ARID2: variants seen among roughly 807,000 people sequenced by gnomAD.
ARID2 encodes the protein AT-rich interaction domain 2.
A neutral mutation model predicts 184.6 loss-of-function variants in ARID2; 32 were observed. The ratio of observed to expected loss-of-function variants is 0.17; its 90% CI spans 0.13 to 0.23. The LOEUF (loss-of-function observed/expected upper bound fraction) is 0.23, where lower values mean the gene tolerates loss of function less well. ARID2 is among the 10% of genes least tolerant of loss of function. The pLI, the probability that ARID2 is intolerant of heterozygous loss-of-function variation, is 1.00. For synonymous variants in ARID2, 836 were observed against 772.6 expected, an observed-to-expected ratio of 1.08 and a Z score of -1.36; for missense variants, 1,696 against 2,197.6, an observed-to-expected ratio of 0.77 and a Z score of 4.56.
chr12:45,763,326 C>G (rs1005912916), intron 3 of ARID2, among the ~76,000 whole-genome samples: 1 of 151,898 alleles, frequency 6.6e-6, no homozygotes, highest in Non-Finnish European at 1.5e-5. Context: ...AAAAATTAGC[C>G]GGGCGTGGAG....
At chr12:45,811,327 G>T (rs1444612666) in intron 3 of ARID2, 91 bp from the exon 4 acceptor site, 1 of 1,327,894 alleles carries the variant, frequency 7.5e-7, no homozygotes, top group Non-Finnish European at 1.0e-6. Flanking sequence ...TTAGATTATT[G>T]TTTAGAAAAG....
At chr12:45,739,215 G>A (rs987164646) in intron 3 of ARID2, among the ~76,000 whole-genome samples, 1 of 152,006 alleles carries the variant, frequency 6.6e-6, no homozygotes, top group South Asian at 2.1e-4. Context: ...CTGACCTCAG[G>A]TGATTCACCT....
At chr12:45,854,229 T>A (rs1235544747) in intron 15 of ARID2, among the ~76,000 whole-genome samples, 1 of 152,212 alleles carries the variant, frequency 6.6e-6, no homozygotes, top group Non-Finnish European at 1.5e-5. Flanking sequence ...CCAATGATTC[T>A]ACATTATGGC....
intron 3 of ARID2, among the ~76,000 whole-genome samples, chr12:45,783,665 A>G (rs1327708427): frequency 6.6e-6 from 1 of 152,236 alleles, no homozygotes; most frequent in African/African-American, 2.4e-5. Context: ...CTCCTTTGAG[A>G]ATCTAATGCC....
chr12:45,903,653 A>G (rs1271138486), intron 20 of ARID2, among the ~76,000 whole-genome samples: 3 of 152,172 alleles, frequency 2.0e-5, no homozygotes, highest in African/African-American at 7.2e-5. Flanking sequence ...TTGCTTTACT[A>G]TAGTAAAAGT....
rs777825899 is a variant in ARID2, at chr12:45,730,132, G to A, written c.181G>A (p.Ala61Thr). 6.2e-7 allele frequency: 1 copy of A among 1,612,668 alleles called. No individual in the cohort carries two copies. Among genetic ancestry groups the A allele is most frequent in the Non-Finnish European group, 8.5e-7 (1 of 1,179,218 alleles). Reference protein sequence around the residue: ...YTRVTTLGGFAKVSEKNQWGE... With the variant: ...YTRVTTLGGFTKVSEKNQWGE... ...CAGAGTCACTACTTTAGGCGGATTC[G>A]CGAAGGTGAGTGGAAGTTTTAATTT... The change falls in exon 2 of 21, where the codon GCG becomes ACG. Residue 61 changes from alanine to threonine, a missense_variant. By Grantham distance (58) the Ala-to-Thr change is moderately conservative. This residue lies in a region of ARID2 where 148 missense variants were observed against 285.4 expected (regional missense o/e 0.52). Coordinates refer to ENST00000334344, the MANE Select transcript of ARID2 (RefSeq NM_152641.4).
At chr12:45,858,058 C>A (rs1943681818) in intron 15 of ARID2, among the ~76,000 whole-genome samples, 1 of 152,180 alleles carries the variant, frequency 6.6e-6, no homozygotes, top group African/African-American at 2.4e-5. Flanking sequence ...CCGTGCCTGG[C>A]CTAGCTAGAG....
At chr12:45,878,707 G>A (rs953292196) in intron 16 of ARID2, among the ~76,000 whole-genome samples, 8 of 152,142 alleles carry the variant, frequency 5.3e-5, no homozygotes, top group Admixed American at 3.9e-4. Flanking sequence ...GTCAAAATTT[G>A]TGTGATATCT....
intron 20 of ARID2, chr12:45,893,966 T>C (rs776421498): frequency 1.7e-4 from 49 of 290,224 alleles, no homozygotes; most frequent in Non-Finnish European, 2.8e-4. Context: ...TTACTGACCA[T>C]ATAATTTAGA....
chr12:45,838,385 C>G (rs1253745701), intron 10 of ARID2, among the ~76,000 whole-genome samples: 1 of 152,140 alleles, frequency 6.6e-6, no homozygotes, highest in Non-Finnish European at 1.5e-5. Flanking sequence ...GAAAACTGTT[C>G]TTATTGAGAA....
At chr12:45,742,376 A>G (rs762804320) in intron 3 of ARID2, among the ~76,000 whole-genome samples, 2 of 152,350 alleles carry the variant, frequency 1.3e-5, no homozygotes, top group East Asian at 1.9e-4. Context: ...AGCTTAGAGC[A>G]GCGGGCTATG....
intron 14 of ARID2, 127 bp from the exon 15 acceptor site, chr12:45,849,909 A>G: frequency 1.4e-6 from 2 of 1,420,806 alleles, no homozygotes; most frequent in Admixed American, 2.5e-5. Context: ...GTCTATTACC[A>G]TATTCATATG....
intron 15 of ARID2, among the ~76,000 whole-genome samples, chr12:45,854,558 C>A (rs1943610847): frequency 6.6e-6 from 1 of 152,100 alleles, no homozygotes; most frequent in Non-Finnish European, 1.5e-5. Flanking sequence ...AGTAGATATT[C>A]CATAGTTAGG....
intron 3 of ARID2, among the ~76,000 whole-genome samples, chr12:45,768,574 G>T (rs965497395): frequency 6.6e-6 from 1 of 152,176 alleles, no homozygotes; most frequent in Non-Finnish European, 1.5e-5. Context: ...TTCATTTGCT[G>T]GGGAGAAGTT....
chr12:45,900,656 T>C (rs2136469440), intron 20 of ARID2, among the ~76,000 whole-genome samples: 1 of 152,372 alleles, frequency 6.6e-6, no homozygotes, highest in African/African-American at 2.4e-5. Flanking sequence ...GAAACCCATT[T>C]ATTTTCTTTT....
intron 16 of ARID2, among the ~76,000 whole-genome samples, chr12:45,885,719 A>G (rs755933998): frequency 2.6e-5 from 4 of 152,222 alleles, no homozygotes; most frequent in Non-Finnish European, 5.9e-5. Context: ...GGAGAAGCAA[A>G]CATGTCCTTC....
intron 16 of ARID2, among the ~76,000 whole-genome samples, chr12:45,871,717 A>T (rs569235089): frequency 7.8e-4 from 119 of 152,236 alleles, no homozygotes; most frequent in African/African-American, 2.7e-3. Context: ...TTTGTTGTGA[A>T]TTCAGCAGAG....
chr12:45,756,858 C>CA (rs1941581058), intron 3 of ARID2, among the ~76,000 whole-genome samples: 1 of 152,084 alleles, frequency 6.6e-6, no homozygotes, highest in Non-Finnish European at 1.5e-5. Context: ...GGCATAGTGC[C>CA]ACTGCACTCC....
intron 3 of ARID2, among the ~76,000 whole-genome samples, chr12:45,733,443 A>G (rs1271407027): frequency 6.6e-6 from 1 of 152,222 alleles, no homozygotes. Context: ...GAGTGACTTG[A>G]TAAGTTACCT....
Sources: allele counts gnomAD v4.1 joint callset (sites outside exome capture counted in the v4.1 genomes callset), GRCh38; gene constraint gnomAD v4.1.1; regional missense constraint gnomAD v4.1.1; transcripts MANE v1.5; gene names NCBI Gene and HGNC (gene_info 2026-07-23, HGNC 2026-07-21).